The following ACTR3C variants were observed in gnomAD, a reference collection of about 807,000 sequenced individuals.
The protein encoded by ACTR3C is actin-related protein 3C.
In ACTR3C, 18 loss-of-function variants were observed where a neutral mutation model predicts 26.3. The ratio of observed to expected loss-of-function variants is 0.68; its 90% CI spans 0.47 to 1.01. ACTR3C has a LOEUF of 1.01. ACTR3C is among the 50% of genes least tolerant of loss of function. The probability of loss-of-function intolerance (pLI) is 0.00; values close to 1 mark genes in which losing one functional copy is unlikely to be tolerated. For synonymous variants in ACTR3C, 55 were observed against 94.5 expected (o/e 0.58, Z 2.42); for missense variants, 184 against 250.7 (o/e 0.73, Z 1.80).
At chr7:149,955,267 G>A in the ACTR3C span, among the ~76,000 whole-genome samples, 3 of 152,258 alleles carry the variant, frequency 2.0e-5, no homozygotes, top group Non-Finnish European at 4.4e-5. Flanking sequence ...AGAAGCAGAA[G>A]AAATGGAAAT....
the ACTR3C span, among the ~76,000 whole-genome samples, chr7:150,201,131 C>A: frequency 6.6e-6 from 1 of 152,184 alleles, no homozygotes; most frequent in Non-Finnish European, 1.5e-5. Context: ...TATCAATTTT[C>A]TAACAGTGAG....
At chr7:150,084,634 G>T in the ACTR3C span, among the ~76,000 whole-genome samples, 1 of 152,202 alleles carries the variant, frequency 6.6e-6, no homozygotes, top group Non-Finnish European at 1.5e-5. Context: ...AACGCGGGCT[G>T]ATATGGCCAG....
At chr7:149,959,140 A>G in the ACTR3C span, among the ~76,000 whole-genome samples, 1 of 152,088 alleles carries the variant, frequency 6.6e-6, no homozygotes, top group Non-Finnish European at 1.5e-5. Flanking sequence ...GATCATGATC[A>G]TTCCCTGAGC....
the ACTR3C span, among the ~76,000 whole-genome samples, chr7:150,233,003 GA>G: frequency 6.6e-6 from 1 of 151,938 alleles, no homozygotes; most frequent in Admixed American, 6.6e-5. Flanking sequence ...GATCAATTAA[GA>G]ATAAGAAAAG....
the ACTR3C span, among the ~76,000 whole-genome samples, chr7:149,937,112 T>C: frequency 6.6e-6 from 1 of 151,636 alleles, no homozygotes; most frequent in East Asian, 1.9e-4. Flanking sequence ...TAATCTGCAA[T>C]ATAGACATAT....
At chr7:150,051,950 C>T in the ACTR3C span, among the ~76,000 whole-genome samples, 1 of 152,236 alleles carries the variant, frequency 6.6e-6, no homozygotes, top group African/African-American at 2.4e-5. Context: ...AGAATTATAT[C>T]CTGTAGTTGA....
At chr7:150,043,115 A>G in the ACTR3C span, among the ~76,000 whole-genome samples, 2 of 151,110 alleles carry the variant, frequency 1.3e-5, no homozygotes, top group Non-Finnish European at 3.0e-5. Context: ...ATTGCAAATA[A>G]CCTGCTTTCT....
the ACTR3C span, among the ~76,000 whole-genome samples, chr7:149,904,757 A>G: frequency 2.0e-5 from 3 of 151,122 alleles, no homozygotes; most frequent in African/African-American, 7.3e-5. Context: ...GCACTTTGGG[A>G]GGCCAAGGCA....
At chr7:150,037,745 AG>A in the ACTR3C span, among the ~76,000 whole-genome samples, 6 of 43,820 alleles carry the variant, frequency 1.4e-4, no homozygotes, top group East Asian at 1.4e-3. Flanking sequence ...TCTGGCTCTC[AG>A]TCCCCACCCT....
At chr7:150,006,185 A>AATTTATTTATTTATTT in the ACTR3C span, among the ~76,000 whole-genome samples, 607 of 139,092 alleles carry the variant, frequency 4.4e-3, 15 homozygotes, top group African/African-American at 0.011. Flanking sequence ...AATTGCACAG[A>AATTTATTTATTTATTT]ATTTATTTAT....
the ACTR3C span, among the ~76,000 whole-genome samples, chr7:150,037,010 G>C: frequency 8.3e-3 from 610 of 73,220 alleles, 16 homozygotes; most frequent in African/African-American, 0.025. Flanking sequence ...CCCTGCGATG[G>C]GGGTACCAAC....
chr7:149,996,230 A>T, the ACTR3C span, among the ~76,000 whole-genome samples: 1 of 151,976 alleles, frequency 6.6e-6, no homozygotes, highest in African/African-American at 2.4e-5. Context: ...GGACGGAGTA[A>T]AGGAGGGGAG....
the ACTR3C span, among the ~76,000 whole-genome samples, chr7:150,063,319 G>A: frequency 1.3e-5 from 2 of 151,514 alleles, no homozygotes; most frequent in Non-Finnish European, 2.9e-5. Flanking sequence ...GCTGGAGACT[G>A]TGGATAAGGC....
In ACTR3C at chr7:150,295,338, G is replaced by C; in HGVS notation, c.-42C>G. The C allele has an allele frequency of 6.2e-7, 1 of 1,613,588 alleles. No homozygotes were observed. Among genetic ancestry groups the C allele is most frequent in the Non-Finnish European group, 8.5e-7 (1 of 1,179,432 alleles). ...TCTCTGTTTTCTGGTGTATTGAGTG[G>C]AGGTTCTGTCTGTAAGAAAACATTC... On this transcript the variant is annotated 5_prime_UTR_variant, in exon 2 of 8. Transcript: ENST00000683684.
chr7:150,132,551 G>T, the ACTR3C span, among the ~76,000 whole-genome samples: 1 of 152,104 alleles, frequency 6.6e-6, no homozygotes, highest in Non-Finnish European at 1.5e-5. Flanking sequence ...AAACCACAAT[G>T]ACATACCGTC....
the ACTR3C span, among the ~76,000 whole-genome samples, chr7:150,056,674 G>A: frequency 2.7e-3 from 413 of 150,908 alleles, 3 homozygotes; most frequent in African/African-American, 9.7e-3. Flanking sequence ...AGCGGGATGA[G>A]GTGGGTCCTG....
At chr7:149,907,391 G>A in the ACTR3C span, among the ~76,000 whole-genome samples, 2 of 147,050 alleles carry the variant, frequency 1.4e-5, no homozygotes, top group Non-Finnish European at 3.0e-5. Flanking sequence ...CGGTGACCCA[G>A]GGCCTCACTT....
chr7:149,958,817 A>T, the ACTR3C span, among the ~76,000 whole-genome samples: 1 of 152,238 alleles, frequency 6.6e-6, no homozygotes, highest in Non-Finnish European at 1.5e-5. Context: ...GAGGAAGCAG[A>T]CTGGGAGCAG....
chr7:150,119,876 C>A, the ACTR3C span, among the ~76,000 whole-genome samples: 202 of 152,214 alleles, frequency 1.3e-3, 3 homozygotes, highest in African/African-American at 4.5e-3. Flanking sequence ...GAAATTAAAG[C>A]GAACAGTCTC....
Sources: allele counts gnomAD v4.1 joint callset (sites outside exome capture counted in the v4.1 genomes callset), GRCh38; gene constraint gnomAD v4.1.1; transcripts MANE v1.5; gene names NCBI Gene and HGNC (gene_info 2026-07-23, HGNC 2026-07-21).